Variants in ATRX observed in about 807,000 individuals in gnomAD.
ATRX encodes chromatin remodeler ATRX.
A neutral mutation model predicts 172.6 loss-of-function variants in ATRX; 12 were observed. The ratio of observed to expected loss-of-function variants is 0.07; its 90% CI spans 0.04 to 0.11. The LOEUF (loss-of-function observed/expected upper bound fraction) is 0.11, where lower values mean the gene tolerates loss of function less well. ATRX is among the 10% of genes least tolerant of loss of function. The pLI, the probability that ATRX is intolerant of heterozygous loss-of-function variation, is 1.00. For synonymous variants in ATRX, 674 were observed against 594.7 expected (o/e 1.13, Z -1.94); for missense variants, 1,368 against 1,767.4 (o/e 0.77, Z 4.05).
chrX:77,683,516 A>C lies in ATRX; in HGVS notation c.1740T>G (p.Ala580=). Residue 580 remains alanine (A), a synonymous_variant, in exon 9 of 35, where the codon GCT becomes GCG. Coordinates refer to ENST00000373344, the MANE Select transcript of ATRX (RefSeq NM_000489.6). ...TAACATATAATTCTTTTGTTACTTT[A>C]GCTGTAGTTTTTGATTTAATACCTC... ...NRGGIKSKTT[A]KVTKELYVKL... is the part of the protein sequence containing the mutation. 1 of 1,208,451 alleles carries C rather than the reference A, an allele frequency of 8.3e-7. No individual in the cohort carries two copies. The highest frequency in any genetic ancestry group is 1.1e-6 in the Non-Finnish European group (1 of 892,582).
chrX:77,730,835 T>C (rs1434663181), intron 1 of ATRX, among the ~76,000 whole-genome samples: 2 of 110,612 alleles, frequency 1.8e-5, no homozygotes, highest in East Asian at 5.6e-4. Flanking sequence ...GCAAAAGCAT[T>C]ACTAAAAGGG....
chrX:77,649,287 T>C (rs1387665981), intron 15 of ATRX, among the ~76,000 whole-genome samples: 3 of 111,795 alleles, frequency 2.7e-5, no homozygotes, highest in Non-Finnish European at 5.6e-5. Context: ...GCAAGGTTTA[T>C]TCAAGGAATA....
intron 30 of ATRX, among the ~76,000 whole-genome samples, chrX:77,532,945 GAGAA>G (rs1348042087): frequency 1.8e-5 from 2 of 111,499 alleles, no homozygotes; most frequent in Non-Finnish European, 3.8e-5. Context: ...ACAAATCTAT[GAGAA>G]AGAAACAACC....
At chrX:77,639,047 A>G (rs1424533887) in intron 15 of ATRX, among the ~76,000 whole-genome samples, 2 of 112,321 alleles carry the variant, frequency 1.8e-5, no homozygotes, top group Non-Finnish European at 3.8e-5. Context: ...AAAATTCCCT[A>G]AATGTCTTGT....
intron 30 of ATRX, among the ~76,000 whole-genome samples, chrX:77,547,022 TC>T (rs1244867574): frequency 8.9e-6 from 1 of 111,759 alleles, no homozygotes; most frequent in Non-Finnish European, 1.9e-5. Flanking sequence ...GTTCTTGCCT[TC>T]CTAGGCTAAT....
At chrX:77,646,050 G>C (rs1206438660) in intron 15 of ATRX, among the ~76,000 whole-genome samples, 2 of 111,415 alleles carry the variant, frequency 1.8e-5, no homozygotes, top group Non-Finnish European at 3.8e-5. Flanking sequence ...AGGAAATAAT[G>C]AACAAAATAA....
chrX:77,596,132 C>T lies in ATRX; in HGVS notation c.5957-2283G>A, dbSNP rs45481495. 332 of 111,433 alleles carry T rather than the reference C, an allele frequency of 3.0e-3. 2 individuals are homozygous for T. The highest frequency in any genetic ancestry group is 0.01 in the African/African-American group (313 of 30,721). The allele number at this position is 111,433 out of a possible 1,213,427, so 9.2% of individuals were successfully genotyped here. ...ATTAAAGCAAACAGTAACTCTTTGA[C>T]GTGAAAATAAAATATGTGGCAAAAA... On this transcript the variant is annotated intron_variant, in intron 25 of 34. Transcript: ENST00000373344.
At chrX:77,559,120 A>G (rs1158837154) in intron 28 of ATRX, among the ~76,000 whole-genome samples, 1 of 111,523 alleles carries the variant, frequency 9.0e-6, no homozygotes, top group African/African-American at 3.3e-5. Context: ...TCAAGGTTTT[A>G]TCTACAGATT....
At chrX:77,779,048 T>G (rs2076471968) in intron 1 of ATRX, among the ~76,000 whole-genome samples, 1 of 106,106 alleles carries the variant, frequency 9.4e-6, no homozygotes, top group African/African-American at 3.4e-5. Context: ...CTGCCTCAAC[T>G]TCCCGAGCAG....
intron 27 of ATRX, among the ~76,000 whole-genome samples, chrX:77,586,609 A>T (rs1370559125): frequency 8.9e-6 from 1 of 112,345 alleles, no homozygotes; most frequent in African/African-American, 3.2e-5. Context: ...TCCTACTAGG[A>T]GTACTAATCC....
intron 1 of ATRX, among the ~76,000 whole-genome samples, chrX:77,771,672 A>T (rs1035911367): frequency 9.0e-6 from 1 of 111,038 alleles, no homozygotes; most frequent in Non-Finnish European, 1.9e-5. Flanking sequence ...CTCTTGGTTT[A>T]TATCTCTGTA....
chrX:77,773,370 C>T (rs1429869965), intron 1 of ATRX, among the ~76,000 whole-genome samples: 1 of 110,675 alleles, frequency 9.0e-6, no homozygotes, highest in Non-Finnish European at 1.9e-5. Context: ...GGTGGGAAAA[C>T]TCTCCCCAAT....
intron 25 of ATRX, among the ~76,000 whole-genome samples, chrX:77,597,476 C>T (rs782443491): frequency 2.8e-4 from 30 of 108,859 alleles, no homozygotes; most frequent in African/African-American, 9.6e-4. Context: ...AACAAAAACA[C>T]AAAATAACAA....
intron 30 of ATRX, among the ~76,000 whole-genome samples, chrX:77,540,350 T>A (rs1046451517): frequency 9.0e-6 from 1 of 111,068 alleles, no homozygotes; most frequent in African/African-American, 3.3e-5. Context: ...AGACTCAGAC[T>A]CCCACACAAT....
Position 77,683,565 on chromosome X carries a change from T to C in ATRX, c.1691A>G (p.Asn564Ser). 1.7e-6 allele frequency: 2 copies of C among 1,210,843 alleles called. No individual in the cohort carries two copies. Among genetic ancestry groups the C allele is most frequent in the South Asian group, 1.8e-5 (1 of 56,860 alleles). The change falls in exon 9 of 35, where the codon AAT (asparagine) becomes AGT (serine). Residue 564 changes from asparagine to serine, a missense_variant. Physicochemically the swap from Asn to Ser is conservative, Grantham distance 46. This residue lies in a region of ATRX where 843 missense variants were observed against 643.1 expected (regional missense o/e 1.31). Transcript: ENST00000373344. The part of the protein sequence containing the change: ...QEVESSSVKL[N>S]ISSKDNRGGI... ...TCCTCTGTTGTCTTTTGAAGAAATA[T>C]TTAATTTTACAGATGAACTCTCCAC...
intron 1 of ATRX, among the ~76,000 whole-genome samples, chrX:77,724,963 T>C (rs1401568984): frequency 8.9e-6 from 1 of 111,951 alleles, no homozygotes; most frequent in Non-Finnish European, 1.9e-5. Context: ...TTTTATATAT[T>C]GAAAAATATT....
At chrX:77,623,935 T>C (rs1465242504) in intron 19 of ATRX, among the ~76,000 whole-genome samples, 4 of 111,495 alleles carry the variant, frequency 3.6e-5, no homozygotes, top group Admixed American at 2.9e-4. Flanking sequence ...GACAAACCCA[T>C]AGCCAACATA....
chrX:77,544,551 A>G (rs1429911971), intron 30 of ATRX, among the ~76,000 whole-genome samples: 2 of 104,727 alleles, frequency 1.9e-5, no homozygotes, highest in East Asian at 3.1e-4. Context: ...ATATCTCCCA[A>G]TGCTATCCCT....
chrX:77,629,555 G>T (rs1165853440), intron 19 of ATRX, among the ~76,000 whole-genome samples: 2 of 112,190 alleles, frequency 1.8e-5, no homozygotes, highest in African/African-American at 6.5e-5. Flanking sequence ...CTCTGGAAAA[G>T]AAAATAAAAG....
Sources: allele counts gnomAD v4.1 joint callset (sites outside exome capture counted in the v4.1 genomes callset), GRCh38; gene constraint gnomAD v4.1.1; regional missense constraint gnomAD v4.1.1; transcripts MANE v1.5; gene names NCBI Gene and HGNC (gene_info 2026-07-23, HGNC 2026-07-21).